The following SCN8A variants were observed in gnomAD, a reference collection of about 807,000 sequenced individuals.
SCN8A encodes sodium channel protein type 8 subunit alpha.
Under a neutral mutation model 184.1 loss-of-function variants are expected in SCN8A, and 30 were observed. The ratio of observed to expected loss-of-function variants is 0.16; its 90% CI spans 0.12 to 0.22. The LOEUF (loss-of-function observed/expected upper bound fraction) is 0.22, where lower values mean the gene tolerates loss of function less well. Ranked by LOEUF, SCN8A falls within the 10% of genes least tolerant of loss-of-function variation. SCN8A has a pLI of 1.00. For synonymous variants in SCN8A, 852 were observed against 907.0 expected, an observed-to-expected ratio of 0.94 and a Z score of 1.09; for missense variants, 1,057 against 2,498.9, an observed-to-expected ratio of 0.42 and a Z score of 12.30.
Position 51,618,332 on chromosome 12 carries a change from G to A in SCN8A, c.-55+26973G>A, listed in dbSNP as rs532774402. On this transcript the variant is annotated intron_variant, in intron 1 of 26. Coordinates refer to ENST00000627620, the MANE Select transcript of SCN8A (RefSeq NM_001330260.2). ...TTTCTCCCTTCCCTTTCGTGTCTAG[G>A]GGCTCCCTTTTCTGTTTCTTGGACC... 4.6e-5 allele frequency among the ~76,000 whole-genome samples: 7 copies of A among 151,938 alleles called. No individual in the cohort carries two copies. In the East Asian group the frequency reaches 1.2e-3, roughly 25 times the overall value.
At chr12:51,655,929 G>A (rs527764765) in intron 1 of SCN8A, among the ~76,000 whole-genome samples, 1 of 152,236 alleles carries the variant, frequency 6.6e-6, no homozygotes, top group South Asian at 2.1e-4. Flanking sequence ...ACATTATATT[G>A]GAAGCCAAGA....
chr12:51,780,688 TC>T lies in SCN8A; in HGVS notation c.3860del (p.Ser1287TrpfsTer3). On this transcript the variant is annotated frameshift_variant, in exon 21 of 27. Coordinates refer to ENST00000627620, the MANE Select transcript of SCN8A (RefSeq NM_001330260.2). LOFTEE classifies it high-confidence loss of function. ...VSLIANALGY[S>X]ELGAIKSLRT... ...CCTTATAGCTAATGCCCTGGGCTAC[TC>T]GGAACTAGGTGCCATAAAGTCCCTT... 6.3e-7 allele frequency: 1 copy of T among 1,583,140 alleles called. No homozygotes were observed. Among genetic ancestry groups the T allele is most frequent in the Non-Finnish European group, 8.6e-7 (1 of 1,163,384 alleles).
At chr12:51,787,699 A>G (rs555427778) in intron 22 of SCN8A, among the ~76,000 whole-genome samples, 1 of 152,340 alleles carries the variant, frequency 6.6e-6, no homozygotes, top group African/African-American at 2.4e-5. Flanking sequence ...CTATATTTCC[A>G]TGCCTATATC....
At chr12:51,660,240 G>T (rs75489392) in intron 1 of SCN8A, among the ~76,000 whole-genome samples, 7 of 152,124 alleles carry the variant, frequency 4.6e-5, no homozygotes, top group African/African-American at 1.7e-4. Flanking sequence ...GAAGAGCAGG[G>T]GTAATCGAGA....
At position 51,686,429 on chromosome 12, in the gene SCN8A, A is replaced by C. The variant is rs796053232; in HGVS notation, c.457A>C (p.Asn153His). Residue 153 changes from asparagine to histidine, a missense_variant, in exon 4 of 27, where the codon AAC (asparagine) becomes CAC (histidine). Physicochemically the swap from Asn to His is moderately conservative, Grantham distance 68 (BLOSUM62 1). Around this residue, in one of 19 missense-constraint regions of SCN8A, gnomAD observed 66 missense variants for 276.4 expected, o/e 0.24. Coordinates refer to ENST00000627620, the MANE Select transcript of SCN8A (RefSeq NM_001330260.2). ...CAACTGTGTATTCATGACTTTTAGTAACCCTCCTGACTGGTCGAAGAATGT... is the reference window on the plus strand; with the variant it reads ...CAACTGTGTATTCATGACTTTTAGTCACCCTCCTGACTGGTCGAAGAATGT... ...LTNCVFMTFS[N>H]PPDWSKNVEY... 2.0e-5 allele frequency: 32 copies of C among 1,610,540 alleles called. No homozygotes were observed. The highest frequency in any genetic ancestry group is 2.7e-5 in the Non-Finnish European group (32 of 1,177,064).
At chr12:51,696,928 A>G (rs532726230) in intron 6 of SCN8A, among the ~76,000 whole-genome samples, 1 of 151,162 alleles carries the variant, frequency 6.6e-6, no homozygotes, top group South Asian at 2.1e-4. Flanking sequence ...AATCCCAGTT[A>G]CTCTAGAGGC....
At chr12:51,622,766 C>A (rs1939991223) in intron 1 of SCN8A, among the ~76,000 whole-genome samples, 1 of 152,154 alleles carries the variant, frequency 6.6e-6, no homozygotes, top group African/African-American at 2.4e-5. Flanking sequence ...CCAAGTCCAG[C>A]CCACGCTTGG....
At chr12:51,697,880 G>A (rs368718398) in intron 6 of SCN8A, among the ~76,000 whole-genome samples, 2 of 152,008 alleles carry the variant, frequency 1.3e-5, no homozygotes, top group South Asian at 2.1e-4. Context: ...ACGGAGTCTC[G>A]CTCTGTTGAC....
intron 14 of SCN8A, among the ~76,000 whole-genome samples, chr12:51,757,467 T>TAA (rs1331247947): frequency 6.6e-6 from 1 of 152,166 alleles, no homozygotes; most frequent in African/African-American, 2.4e-5. Context: ...CACTTTCAAA[T>TAA]AAGGCTGAAT....
chr12:51,641,584 C>T (rs901910735), intron 1 of SCN8A, among the ~76,000 whole-genome samples: 2 of 152,138 alleles, frequency 1.3e-5, no homozygotes, highest in Admixed American at 1.3e-4. Flanking sequence ...GTTGTGAAAG[C>T]GTTATTAACA....
chr12:51,674,034 C>T (rs914085260), intron 2 of SCN8A, among the ~76,000 whole-genome samples: 2 of 152,158 alleles, frequency 1.3e-5, no homozygotes, highest in African/African-American at 4.8e-5. Context: ...GGCCGAGAGA[C>T]ATGACACAGG....
chr12:51,664,895 C>CT (rs1264464774), intron 2 of SCN8A, among the ~76,000 whole-genome samples: 1 of 152,072 alleles, frequency 6.6e-6, no homozygotes, highest in Non-Finnish European at 1.5e-5. Context: ...TTCCCTACCT[C>CT]TGACAGGCCC....
At position 51,794,439 on chromosome 12, in the gene SCN8A, C is replaced by T. The variant is rs371638930; in HGVS notation, c.4593C>T (p.Leu1531=). 4 of 1,613,846 alleles carry T rather than the reference C, an allele frequency of 2.5e-6. No individual in the cohort carries two copies. Among genetic ancestry groups the T allele is most frequent in the African/African-American group, 2.7e-5 (2 of 74,910 alleles). ...QQAFDIVIMM[L]ICLNMVTMMV... ...CCTTTGACATTGTTATCATGATGCTCATCTGCCTTAACATGGTGACAATGA... is the reference window on the plus strand; with the variant it reads ...CCTTTGACATTGTTATCATGATGCTTATCTGCCTTAACATGGTGACAATGA... Residue 1531 remains leucine, a synonymous_variant, in exon 26 of 27, where the codon CTC becomes CTT. Coordinates refer to ENST00000627620, the MANE Select transcript of SCN8A (RefSeq NM_001330260.2).
intron 12 of SCN8A, among the ~76,000 whole-genome samples, chr12:51,731,250 T>C (rs554727709): frequency 1.3e-5 from 2 of 152,204 alleles, no homozygotes; most frequent in South Asian, 4.1e-4. Flanking sequence ...CTTCTTCTTT[T>C]TTTTTTTGAG....
At chr12:51,636,152 G>A (rs565863804) in intron 1 of SCN8A, among the ~76,000 whole-genome samples, 2 of 152,044 alleles carry the variant, frequency 1.3e-5, no homozygotes, top group Admixed American at 1.3e-4. Context: ...CCGCCACCAC[G>A]CCTGGCTAAT....
Position 51,765,742 on chromosome 12 carries a change from G to T in SCN8A, c.2616G>T (p.Val872=), listed in dbSNP as rs778358285. The change falls in exon 16 of 27, where the codon GTG becomes GTT. Residue 872 remains valine, a synonymous_variant. Transcript: ENST00000627620. ...TAATCAAGATTATTGGAAATTCAGT[G>T]GGTGCCCTGGGCAACCTGACACTGG... ...NMLIKIIGNS[V]GALGNLTLVL... is the part of the protein sequence containing the mutation. The T allele has an allele frequency of 6.3e-5, 102 of 1,613,338 alleles. No homozygotes were observed. Among genetic ancestry groups the T allele is most frequent in the Non-Finnish European group, 8.5e-5 (100 of 1,179,802 alleles).
intron 17 of SCN8A, 78 bp from the exon 18 acceptor site, chr12:51,769,786 CCCCA>C (rs1436979141): frequency 2.2e-6 from 2 of 896,110 alleles, no homozygotes; most frequent in Non-Finnish European, 3.6e-6. Flanking sequence ...GGCCCCTCAT[CCCCA>C]CCAGAGGCAG....
At chr12:51,714,342 T>A (rs117122303) in intron 11 of SCN8A, among the ~76,000 whole-genome samples, 5 of 135,172 alleles carry the variant, frequency 3.7e-5, no homozygotes, top group Non-Finnish European at 6.5e-5. Context: ...ATTTCTAGCA[T>A]CATGCATTGA....
chr12:51,711,181 C>T (rs574642716), intron 11 of SCN8A, among the ~76,000 whole-genome samples: 134 of 152,284 alleles, frequency 8.8e-4, no homozygotes, highest in Middle Eastern at 3.4e-3. Context: ...AATACCTTAG[C>T]GCTGTTAACG....
Sources: allele counts gnomAD v4.1 joint callset (sites outside exome capture counted in the v4.1 genomes callset), GRCh38; gene constraint gnomAD v4.1.1; regional missense constraint gnomAD v4.1.1; transcripts MANE v1.5; gene names NCBI Gene and HGNC (gene_info 2026-07-23, HGNC 2026-07-21).